Variants in LDLRAD4 observed in about 807,000 individuals in gnomAD.
The protein encoded by LDLRAD4 is low density lipoprotein receptor class A domain containing 4, also known as low-density lipoprotein receptor class A domain-containing protein 4.
In LDLRAD4, 5 loss-of-function variants were observed where a neutral mutation model predicts 17.0. That is an observed-to-expected ratio of 0.29 (90% confidence interval 0.15 to 0.62). LDLRAD4 has a LOEUF of 0.62. Among genes scored for constraint, LDLRAD4 ranks in the 20% least tolerant of loss-of-function variants. The pLI, the probability that LDLRAD4 is intolerant of heterozygous loss-of-function variation, is 0.84. For synonymous variants in LDLRAD4, 168 were observed against 171.8 expected (o/e 0.98, Z 0.17); for missense variants, 340 against 424.7 (o/e 0.80, Z 1.75).
At chr18:13,478,905 G>C (rs920208363) in intron 3 of LDLRAD4, among the ~76,000 whole-genome samples, 7 of 152,220 alleles carry the variant, frequency 4.6e-5, no homozygotes, top group African/African-American at 1.7e-4. Context: ...ATCAAGATAG[G>C]TTGGCAAAAG....
intron 1 of LDLRAD4, chr18:13,280,056 T>G (rs1402213826): frequency 1.3e-5 from 2 of 152,288 alleles, no homozygotes; most frequent in Non-Finnish European, 2.9e-5. Flanking sequence ...GGCCTAGAGC[T>G]TTGCGTTAAC....
At chr18:13,612,896 T>C (rs1568406580) in intron 3 of LDLRAD4, 1 of 1,179,892 alleles carries the variant, frequency 8.5e-7, no homozygotes, top group South Asian at 1.5e-5. Flanking sequence ...AGAAGTTTCT[T>C]TCTACCTAAG....
At chr18:13,568,383 T>C (rs1482598383) in intron 3 of LDLRAD4, among the ~76,000 whole-genome samples, 1 of 151,930 alleles carries the variant, frequency 6.6e-6, no homozygotes, top group African/African-American at 2.4e-5. Context: ...ATCCAGGTTA[T>C]CTCTTTCGGC....
At chr18:13,428,251 GA>G (rs2090087086) in intron 2 of LDLRAD4, among the ~76,000 whole-genome samples, 2 of 152,194 alleles carry the variant, frequency 1.3e-5, no homozygotes, top group African/African-American at 4.8e-5. Flanking sequence ...GGAGTGGAGT[GA>G]GGGAGGCCAC....
At chr18:13,336,034 G>A (rs2082085811) in intron 1 of LDLRAD4, among the ~76,000 whole-genome samples, 1 of 152,154 alleles carries the variant, frequency 6.6e-6, no homozygotes, top group Non-Finnish European at 1.5e-5. Context: ...TTCCACTCAT[G>A]GCTGAAAAGC....
intron 1 of LDLRAD4, among the ~76,000 whole-genome samples, chr18:13,341,469 T>A (rs914526839): frequency 1.3e-5 from 2 of 152,124 alleles, no homozygotes; most frequent in African/African-American, 4.8e-5. Context: ...TTCCTAAATA[T>A]TTTATTATTT....
chr18:13,419,518 T>C (rs1472255662), intron 2 of LDLRAD4: 2 of 152,180 alleles, frequency 1.3e-5, no homozygotes, highest in Non-Finnish European at 2.9e-5. Context: ...TTTAAGTTCT[T>C]TACGTGAATG....
At chr18:13,438,531 A>C in intron 3 of LDLRAD4, 147 bp downstream of exon 4, 1 of 691,956 alleles carries the variant, frequency 1.4e-6, no homozygotes, top group Non-Finnish European at 2.4e-6. Context: ...TTCTTCTTTT[A>C]GGATAGAGGG....
At chr18:13,514,019 A>C (rs1648587) in intron 3 of LDLRAD4, among the ~76,000 whole-genome samples, 98,622 of 152,162 alleles carry the variant, frequency 0.65, 32,835 homozygotes, top group South Asian at 0.75. Context: ...TACAGTCCCA[A>C]CAGACTTTTG....
At chr18:13,564,294 G>T (rs566070980) in intron 3 of LDLRAD4, among the ~76,000 whole-genome samples, 13 of 152,148 alleles carry the variant, frequency 8.5e-5, no homozygotes, top group Non-Finnish European at 1.9e-4. Flanking sequence ...CTGGTTTGGA[G>T]GATGGCTGCT....
At chr18:13,611,933 C>T (rs1391815132) in intron 3 of LDLRAD4, 3 of 985,340 alleles carry the variant, frequency 3.0e-6, no homozygotes, top group East Asian at 2.3e-4. Context: ...GAGGACAGCC[C>T]GCAGCCTGGC....
At chr18:13,491,869 T>A (rs2093365008) in intron 3 of LDLRAD4, among the ~76,000 whole-genome samples, 1 of 152,206 alleles carries the variant, frequency 6.6e-6, no homozygotes, top group South Asian at 2.1e-4. Context: ...TGGTGCTGTC[T>A]GATAATGAAA....
chr18:13,220,260 G>A (rs2041373960), intron 1 of LDLRAD4, among the ~76,000 whole-genome samples: 1 of 152,220 alleles, frequency 6.6e-6, no homozygotes, highest in Non-Finnish European at 1.5e-5. Context: ...GGGATTTGCT[G>A]TAATGGAATT....
intron 1 of LDLRAD4, among the ~76,000 whole-genome samples, chr18:13,327,295 A>G (rs2081588336): frequency 6.6e-6 from 1 of 152,098 alleles, no homozygotes. Flanking sequence ...CCTCCAGGGC[A>G]CAGCATCTGG....
At chr18:13,277,725 C>T (rs7227136), upstream of LDLRAD4, among the ~76,000 whole-genome samples, 706 of 152,308 alleles carry the variant, frequency 4.6e-3, 4 homozygotes, top group African/African-American at 0.016. Flanking sequence ...ATGGTCTTTT[C>T]ACAGCTTTTA....
At chr18:13,503,350 C>T (rs1415254328) in intron 3 of LDLRAD4, among the ~76,000 whole-genome samples, 1 of 152,222 alleles carries the variant, frequency 6.6e-6, no homozygotes, top group East Asian at 1.9e-4. Flanking sequence ...GGCAACCTGC[C>T]ATTGTTCCCA....
intron 1 of LDLRAD4, among the ~76,000 whole-genome samples, chr18:13,375,813 C>T (rs1278912903): frequency 6.6e-6 from 1 of 152,164 alleles, no homozygotes; most frequent in Non-Finnish European, 1.5e-5. Context: ...TTCTCCTCCT[C>T]GTTTCCTCCC....
chr18:13,471,884 A>G (rs1284134315), intron 3 of LDLRAD4: 1 of 152,270 alleles, frequency 6.6e-6, no homozygotes, highest in Non-Finnish European at 1.5e-5. Flanking sequence ...TTGGCACTAT[A>G]AAAAGCATTT....
intron 3 of LDLRAD4, among the ~76,000 whole-genome samples, chr18:13,581,293 G>C (rs533304502): frequency 4.0e-4 from 61 of 152,266 alleles, no homozygotes; most frequent in African/African-American, 1.4e-3. Context: ...TCAGATGTTA[G>C]ATTTTCAGAT....
Sources: allele counts gnomAD v4.1 joint callset (sites outside exome capture counted in the v4.1 genomes callset), GRCh38; gene constraint gnomAD v4.1.1; transcripts MANE v1.5; gene names NCBI Gene and HGNC (gene_info 2026-07-23, HGNC 2026-07-21).